ELOVL6: variants seen among roughly 807,000 people sequenced by gnomAD.
ELOVL6 encodes very long chain fatty acid elongase 6.
ELOVL6 carries 8 observed loss-of-function variants against 31.7 expected under a neutral mutation model. The observed-to-expected ratio is 0.25, with a 90% CI of 0.15 to 0.45. The LOEUF (loss-of-function observed/expected upper bound fraction) is 0.45, where lower values mean the gene tolerates loss of function less well. Among genes scored for constraint, ELOVL6 ranks in the 20% least tolerant of loss-of-function variants. ELOVL6 has a pLI of 1.00. For synonymous variants in ELOVL6, 101 were observed against 117.7 expected, an observed-to-expected ratio of 0.86 and a Z score of 0.92; for missense variants, 126 against 326.4, an observed-to-expected ratio of 0.39 and a Z score of 4.73.
chr4:110,071,387 G>A (rs1220944773), intron 2 of ELOVL6, among the ~76,000 whole-genome samples: 1 of 152,172 alleles, frequency 6.6e-6, no homozygotes, highest in Non-Finnish European at 1.5e-5. Context: ...TAGGCCCTGT[G>A]CTATACCTTA....
At chr4:110,147,993 A>T (rs537352753) in intron 1 of ELOVL6, among the ~76,000 whole-genome samples, 1 of 152,210 alleles carries the variant, frequency 6.6e-6, no homozygotes, top group Admixed American at 6.5e-5. Context: ...GCATGCCTGT[A>T]ATCCCAGCTA....
rs574315047 is a variant in ELOVL6, at chr4:110,148,893, C to A, written c.90-43265G>T. On this transcript the variant is annotated intron_variant, in intron 1 of 3. Coordinates refer to ENST00000302274, the MANE Select transcript of ELOVL6 (RefSeq NM_024090.3). ...TGTTTTATTTTGAGACAGAGTCTCG[C>A]TCTGTTGCCCAGGCTGGAGTGCAGT... Among the ~76,000 whole-genome samples, 13 of 152,316 alleles carry A rather than the reference C, an allele frequency of 8.5e-5. 1 individual carries two copies. In the East Asian group the frequency reaches 2.5e-3, roughly 29 times the overall value.
chr4:110,175,701 T>C (rs1197241765), intron 1 of ELOVL6, among the ~76,000 whole-genome samples: 1 of 152,194 alleles, frequency 6.6e-6, no homozygotes, highest in Admixed American at 6.5e-5. Flanking sequence ...TCAGGCAGTC[T>C]AGCCCTAGAG....
chr4:110,111,007 G>A (rs1442730397), intron 1 of ELOVL6, among the ~76,000 whole-genome samples: 1 of 152,152 alleles, frequency 6.6e-6, no homozygotes, highest in Non-Finnish European at 1.5e-5. Context: ...AAAGGTGTGA[G>A]AACTAGTTTT....
At chr4:110,084,030 AT>A in intron 2 of ELOVL6, among the ~76,000 whole-genome samples, 13 of 76,516 alleles carry the variant, frequency 1.7e-4, no homozygotes, top group African/African-American at 5.9e-4. Context: ...CATATGCCAT[AT>A]ATGGTATATA....
intron 2 of ELOVL6, among the ~76,000 whole-genome samples, chr4:110,066,307 G>C (rs1183539093): frequency 6.6e-6 from 1 of 152,004 alleles, no homozygotes; most frequent in Admixed American, 6.6e-5. Context: ...TAGATTTGGG[G>C]GATGATATAG....
chr4:110,092,407 T>C (rs1756451341), intron 2 of ELOVL6, among the ~76,000 whole-genome samples: 1 of 152,202 alleles, frequency 6.6e-6, no homozygotes, highest in Non-Finnish European at 1.5e-5. Flanking sequence ...GAAAATGATT[T>C]TCATTGCTCT....
chr4:110,084,077 T>TATATATGATATATAACATATATATG (rs1756026852), intron 2 of ELOVL6, among the ~76,000 whole-genome samples: 1 of 77,140 alleles, frequency 1.3e-5, no homozygotes, highest in Non-Finnish European at 2.2e-5. Context: ...ATATATATGC[T>TATATATGATATATAACATATATATG]ATATATGATA....
intron 1 of ELOVL6, among the ~76,000 whole-genome samples, chr4:110,175,817 TG>T (rs1024250456): frequency 6.6e-6 from 1 of 152,132 alleles, no homozygotes; most frequent in Non-Finnish European, 1.5e-5. Context: ...GAAGGGTAAG[TG>T]AGATCTTTAT....
At chr4:110,096,317 A>C (rs1034575155) in intron 2 of ELOVL6, among the ~76,000 whole-genome samples, 5 of 152,198 alleles carry the variant, frequency 3.3e-5, no homozygotes, top group Non-Finnish European at 7.3e-5. Context: ...CTTTTAAAAG[A>C]TAGAAAGTTG....
At position 110,182,840 on chromosome 4, in the gene ELOVL6, G is replaced by A. The variant is rs562096650; in HGVS notation, c.89+15407C>T. ...GGAGAATCACTTGAACCCGGGAGGCGGAGGTTGCGGTGAGCCAAGATTGCG... is the reference window on the plus strand; with the variant it reads ...GGAGAATCACTTGAACCCGGGAGGCAGAGGTTGCGGTGAGCCAAGATTGCG... On this transcript the variant is annotated intron_variant, in intron 1 of 3. Transcript: ENST00000302274. Among the ~76,000 whole-genome samples, 268 of 152,196 alleles carry A rather than the reference G, an allele frequency of 1.8e-3. 1 individual carries two copies. Among genetic ancestry groups the A allele is most frequent in the African/African-American group, 6.1e-3 (255 of 41,524 alleles).
At chr4:110,124,560 G>A (rs1458282696) in intron 1 of ELOVL6, among the ~76,000 whole-genome samples, 2 of 152,102 alleles carry the variant, frequency 1.3e-5, no homozygotes, top group East Asian at 3.9e-4. Flanking sequence ...TGTGGTACAG[G>A]GAGTTAGGGG....
intron 1 of ELOVL6, among the ~76,000 whole-genome samples, chr4:110,187,730 C>G (rs930141852): frequency 4.0e-5 from 6 of 150,906 alleles, no homozygotes; most frequent in Non-Finnish European, 8.8e-5. Flanking sequence ...TGTGATAGTA[C>G]GTAAATCTGT....
At chr4:110,179,994 T>A (rs1759223676) in intron 1 of ELOVL6, among the ~76,000 whole-genome samples, 2 of 152,248 alleles carry the variant, frequency 1.3e-5, no homozygotes, top group South Asian at 4.1e-4. Context: ...CTCTGGACAC[T>A]GAATGCTCTG....
chr4:110,092,438 C>A (rs1050492437), intron 2 of ELOVL6, among the ~76,000 whole-genome samples: 4 of 152,128 alleles, frequency 2.6e-5, no homozygotes, highest in African/African-American at 9.7e-5. Context: ...TATAACCATA[C>A]GGCGGGTGAC....
chr4:110,057,381 A>T (rs760845830), intron 3 of ELOVL6, among the ~76,000 whole-genome samples: 1 of 152,094 alleles, frequency 6.6e-6, no homozygotes, highest in Non-Finnish European at 1.5e-5. Flanking sequence ...TGAAGTGTTC[A>T]GGGGTAGCAT....
At chr4:110,194,042 T>C (rs1030802861) in intron 1 of ELOVL6, among the ~76,000 whole-genome samples, 3 of 152,206 alleles carry the variant, frequency 2.0e-5, no homozygotes, top group Admixed American at 1.3e-4. Context: ...CATCCACTGC[T>C]GTTAGCACAA....
At chr4:110,099,398 T>G (rs765038874) in intron 2 of ELOVL6, among the ~76,000 whole-genome samples, 7 of 152,078 alleles carry the variant, frequency 4.6e-5, no homozygotes, top group Non-Finnish European at 7.4e-5. Context: ...AATAACAAAA[T>G]GAAAATATAG....
intron 1 of ELOVL6, among the ~76,000 whole-genome samples, chr4:110,127,103 A>G (rs1046215477): frequency 2.6e-5 from 4 of 152,098 alleles, no homozygotes; most frequent in Admixed American, 1.3e-4. Context: ...TGTTGCCACA[A>G]TACCATGGCT....
Sources: allele counts gnomAD v4.1 joint callset (sites outside exome capture counted in the v4.1 genomes callset), GRCh38; gene constraint gnomAD v4.1.1; transcripts MANE v1.5; gene names NCBI Gene and HGNC (gene_info 2026-07-23, HGNC 2026-07-21).